Variants in GTF3C3 observed in about 807,000 individuals in gnomAD.
GTF3C3 encodes general transcription factor 3C polypeptide 3.
Under a neutral mutation model 105.2 loss-of-function variants are expected in GTF3C3, and 75 were observed. The ratio of observed to expected loss-of-function variants is 0.71; its 90% CI spans 0.59 to 0.86. GTF3C3 has a LOEUF of 0.86. GTF3C3 is among the 40% of genes least tolerant of loss of function. GTF3C3 has a pLI of 0.00. For missense variants in GTF3C3, 856 were observed against 1,076.5 expected (o/e 0.80, Z 2.87); for synonymous variants, 335 against 370.4 (o/e 0.90, Z 1.10).
intron 8 of GTF3C3, among the ~76,000 whole-genome samples, chr2:196,781,607 A>G (rs1699364424): frequency 4.6e-5 from 7 of 151,732 alleles, no homozygotes; most frequent in Admixed American, 4.6e-4. Context: ...GGATTTTGGT[A>G]TGAGGGGTGT....
Position 196,766,526 on chromosome 2 carries a change from GATGAA to G in GTF3C3, c.2538+34_2538+38del, listed in dbSNP as rs776169665. The stretch of plus-strand genomic sequence containing the variant: ...AGCTAACTGCCCTTATCTACAGACA[GATGAA>G]ATGAAGTGTCTCAGTTTTAAAAATG... On this transcript the variant is annotated intron_variant, in intron 17 of 17. Coordinates refer to ENST00000263956, the MANE Select transcript of GTF3C3 (RefSeq NM_012086.5). 8 of 1,527,430 alleles carry G rather than the reference GATGAA, an allele frequency of 5.2e-6. No individual in the cohort carries two copies. The African/African-American group carries it at 5.5e-5, about 11-fold the overall frequency. 94.6% of individuals were successfully genotyped at this position (1,527,430 alleles called of 1,614,324 possible).
At chr2:196,785,360 G>T in intron 7 of GTF3C3, 81 bp downstream of exon 7, 2 of 1,130,830 alleles carry the variant, frequency 1.8e-6, no homozygotes, top group Non-Finnish European at 1.2e-6. Context: ...TAACTAAAAC[G>T]AAGAACTGCC....
In GTF3C3 at chr2:196,764,541, C is replaced by T; in HGVS notation, c.*22G>A. 1 of 1,608,590 alleles carries T rather than the reference C, an allele frequency of 6.2e-7. No homozygotes were observed. Among genetic ancestry groups the T allele is most frequent in the South Asian group, 1.1e-5 (1 of 90,234 alleles). ...GGTCCTCACACAGCAGCTGCCATTG[C>T]TCTGTTCTCAGTTGCGGTGCTTTAT... On this transcript the variant is annotated 3_prime_UTR_variant, in exon 18 of 18. Transcript: ENST00000263956.
intron 10 of GTF3C3, chr2:196,778,557 T>A (rs1321328049): frequency 4.0e-6 from 1 of 249,532 alleles, no homozygotes; most frequent in East Asian, 1.0e-4. Context: ...ATATTAAATA[T>A]AAATCTATAA....
chr2:196,772,018 GTC>G, intron 14 of GTF3C3, 80 bp from the exon 15 acceptor site: 23 of 898,348 alleles, frequency 2.6e-5, no homozygotes, highest in Non-Finnish European at 4.0e-5. Flanking sequence ...CTTCAGTGCT[GTC>G]CTACCAGCAC....
In GTF3C3 at chr2:196,776,087, A is replaced by G. The variant is rs1699255158; in HGVS notation, c.1618T>C (p.Ser540Pro). The change falls in exon 12 of 18, where the codon TCT becomes CCT. Residue 540 changes from serine (S) to proline (P), a missense_variant. Ser to Pro is a moderately conservative substitution (Grantham distance 74). Transcript: ENST00000263956. The surrounding 1 kb of genome is among the most constrained non-coding windows in gnomAD (Gnocchi z 4.5). ...TTGCCTTGTGAAAACAACAGAGTAGAACGATGAAGCAATAACTTCAGTTCC... is the reference window on the plus strand; with the variant it reads ...TTGCCTTGTGAAAACAACAGAGTAGGACGATGAAGCAATAACTTCAGTTCC... ...QQELKLLLHR[S>P]TLLFSQGKMY... 6.3e-7 allele frequency: 1 copy of G among 1,586,916 alleles called. No individual in the cohort carries two copies. The highest frequency in any genetic ancestry group is 1.1e-5 in the South Asian group (1 of 87,714).
chr2:196,799,657 C>G lies in GTF3C3; in HGVS notation c.-46G>C, dbSNP rs767438099. 5 of 1,396,736 alleles carry G rather than the reference C, an allele frequency of 3.6e-6. No individual in the cohort carries two copies. Among genetic ancestry groups the G allele is most frequent in the Non-Finnish European group, 5.1e-6 (5 of 983,652 alleles). 86.5% of individuals were successfully genotyped at this position (1,396,736 alleles called of 1,614,324 possible). A position where few individuals can be genotyped will look rare whatever the true frequency, so the allele number is the denominator to read the frequency against. Reference sequence around the variant, plus strand: ...CAACCCCAGGAACCGGGACAGAGAACCGGAAGAGCAGCGCCTTCCAGAAGC... The same window carrying G: ...CAACCCCAGGAACCGGGACAGAGAAGCGGAAGAGCAGCGCCTTCCAGAAGC... On this transcript the variant is annotated 5_prime_UTR_variant, in exon 1 of 18. Coordinates refer to ENST00000263956, the MANE Select transcript of GTF3C3 (RefSeq NM_012086.5).
At position 196,773,071 on chromosome 2, in the gene GTF3C3, G is replaced by A; in HGVS notation, c.1914C>T (p.Asp638=). ...ACTCAGCCTCTTGAAATCGGGATAG[G>A]TCACATAAGGAGTATATGGCCTTCA... is the stretch of plus-strand genomic sequence containing the variant. ...LLLKAIYSLC[D]LSRFQEAELL... is the part of the protein sequence containing the mutation. The change falls in exon 14 of 18, where the codon GAC becomes GAT. Residue 638 remains aspartate, a synonymous_variant. Transcript: ENST00000263956. 6.2e-7 allele frequency: 1 copy of A among 1,613,118 alleles called. No individual in the cohort carries two copies. Among genetic ancestry groups the A allele is most frequent in the Admixed American group, 1.7e-5 (1 of 60,014 alleles).
intron 16 of GTF3C3, among the ~76,000 whole-genome samples, chr2:196,767,569 A>G (rs941758529): frequency 6.6e-6 from 1 of 152,212 alleles, no homozygotes; most frequent in Non-Finnish European, 1.5e-5. Flanking sequence ...AATAATAAAA[A>G]TGAATTATTT....
intron 8 of GTF3C3, among the ~76,000 whole-genome samples, chr2:196,781,225 C>CA (rs1441390539): frequency 6.8e-6 from 1 of 147,788 alleles, no homozygotes; most frequent in Non-Finnish European, 1.5e-5. Flanking sequence ...AAAAATTATT[C>CA]AAGAATTAAA....
chr2:196,789,924 G>A lies in GTF3C3; in HGVS notation c.682C>T (p.Leu228=). ...GCCTGCTTAATATTGTCTTGTTCCA[G>A]AGACATTTCTGCCAGTCTAACCCAT... ...EEWVRLAEMS[L]EQDNIKQAIF... Residue 228 remains leucine (L), a synonymous_variant, in exon 5 of 18, where the codon CTG becomes TTG. Transcript: ENST00000263956. The A allele has an allele frequency of 6.2e-7, 1 of 1,611,306 alleles. No homozygotes were observed. Among genetic ancestry groups the A allele is most frequent in the South Asian group, 1.1e-5 (1 of 90,454 alleles).
intron 9 of GTF3C3, chr2:196,780,215 CTTT>C: frequency 1.3e-6 from 1 of 797,392 alleles, no homozygotes; most frequent in Non-Finnish European, 1.5e-6. Context: ...ATGCTAAGTA[CTTT>C]TTTTTTTTCA....
chr2:196,784,648 G>T, intron 8 of GTF3C3: 1 of 188,524 alleles, frequency 5.3e-6, no homozygotes, highest in Non-Finnish European at 9.9e-6. Flanking sequence ...GGACATACAG[G>T]GACTCAAAAC....
intron 17 of GTF3C3, among the ~76,000 whole-genome samples, chr2:196,766,109 A>C (rs1037503812): frequency 2.0e-5 from 3 of 152,226 alleles, no homozygotes; most frequent in Non-Finnish European, 4.4e-5. Context: ...AATACATTTA[A>C]AAATTAACAT....
chr2:196,788,895 T>C (rs566641034), intron 6 of GTF3C3, among the ~76,000 whole-genome samples: 1 of 152,056 alleles, frequency 6.6e-6, no homozygotes, highest in South Asian at 2.1e-4. Flanking sequence ...CAAGACCCTG[T>C]CTCTACAAAA....
In GTF3C3 at chr2:196,799,653, A is replaced by G. The variant is rs1284645617; in HGVS notation, c.-42T>C. 4 of 1,407,128 alleles carry G rather than the reference A, an allele frequency of 2.8e-6. No homozygotes were observed. Among genetic ancestry groups the G allele is most frequent in the African/African-American group, 1.4e-5 (1 of 70,680 alleles). The allele number at this position is 1,407,128 out of a possible 1,614,324, so 87.2% of individuals were successfully genotyped here. Reference sequence around the variant, plus strand: ...TGTGCAACCCCAGGAACCGGGACAGAGAACCGGAAGAGCAGCGCCTTCCAG... The same window carrying G: ...TGTGCAACCCCAGGAACCGGGACAGGGAACCGGAAGAGCAGCGCCTTCCAG... On this transcript the variant is annotated 5_prime_UTR_variant, in exon 1 of 18. Transcript: ENST00000263956.
At chr2:196,782,031 C>T (rs1191928554) in intron 8 of GTF3C3, among the ~76,000 whole-genome samples, 1 of 152,194 alleles carries the variant, frequency 6.6e-6, no homozygotes, top group Admixed American at 6.5e-5. Context: ...CTTTGATTTT[C>T]ATTCTAGAAA....
intron 16 of GTF3C3, among the ~76,000 whole-genome samples, chr2:196,768,412 A>G (rs1699110658): frequency 6.6e-6 from 1 of 152,172 alleles, no homozygotes; most frequent in African/African-American, 2.4e-5. Context: ...AAAGGGCCCA[A>G]TGTACTCACT....
In GTF3C3 at chr2:196,791,455, T is replaced by A; in HGVS notation, c.417A>T (p.Lys139Asn). 1 of 1,612,752 alleles carries A rather than the reference T, an allele frequency of 6.2e-7. No homozygotes were observed. Among genetic ancestry groups the A allele is most frequent in the Non-Finnish European group, 8.5e-7 (1 of 1,179,094 alleles). ...CTCTGGGAAGTTTACTCCGAGGCCT[T>A]TTCTCCTGTATGGAAGAAAAATGAC... ...NRETKKMMKEKRPRSKLPRAL... is the reference protein window; with the variant it reads ...NRETKKMMKENRPRSKLPRAL... Residue 139 changes from lysine (K) to asparagine (N), a missense_variant, in exon 4 of 18, where the codon AAA (lysine) becomes AAT (asparagine). This residue lies in a region of GTF3C3 where 605 missense variants were observed against 833.6 expected (regional missense o/e 0.73). Coordinates refer to ENST00000263956, the MANE Select transcript of GTF3C3 (RefSeq NM_012086.5).
Sources: gnomAD v4.1 joint callset for allele counts (sites outside exome capture counted in the v4.1 genomes callset) on GRCh38, gnomAD v4.1.1 for gene constraint, gnomAD v4.1.1 regional missense constraint, Gnocchi (gnomAD v3.1) non-coding constraint, MANE v1.5 for transcripts, NCBI Gene and HGNC (gene_info 2026-07-23, HGNC 2026-07-21) for gene names.